The following DRC9 variants were observed in gnomAD, a reference collection of about 807,000 sequenced individuals.
DRC9 encodes dynein regulatory complex protein 9.
chr3:197,913,980 G>A, the DRC9 span: 2 of 1,614,060 alleles, frequency 1.2e-6, no homozygotes, highest in Non-Finnish European at 8.5e-7. Flanking sequence ...GATTCTCCAA[G>A]TTGGATTTTG....
the DRC9 span, among the ~76,000 whole-genome samples, chr3:197,939,965 G>C: frequency 6.6e-6 from 1 of 152,008 alleles, no homozygotes; most frequent in African/African-American, 2.4e-5. Context: ...TAGAATTAAA[G>C]AAACGAGCTA....
the DRC9 span, among the ~76,000 whole-genome samples, chr3:197,931,189 A>C: frequency 6.6e-6 from 1 of 152,068 alleles, no homozygotes; most frequent in Non-Finnish European, 1.5e-5. Flanking sequence ...CAACATCCAA[A>C]GAGAGTTCCA....
the DRC9 span, chr3:197,951,360 T>A: frequency 6.3e-7 from 1 of 1,596,826 alleles, no homozygotes; most frequent in Non-Finnish European, 8.6e-7. Context: ...TCTGCCTCAT[T>A]TTCTTTTTTA....
At chr3:197,952,822 G>T in the DRC9 span, among the ~76,000 whole-genome samples, 2 of 151,114 alleles carry the variant, frequency 1.3e-5, no homozygotes, top group East Asian at 3.9e-4. Context: ...GCCTAAAGAT[G>T]TTTATGCTGT....
At chr3:197,889,449 G>C in the DRC9 span, 1 of 1,042,892 alleles carries the variant, frequency 9.6e-7, no homozygotes, top group Non-Finnish European at 1.4e-6. Flanking sequence ...GTGAAATCAG[G>C]CTTCCCTGGG....
At chr3:197,938,844 C>T in the DRC9 span, 2 of 1,135,032 alleles carry the variant, frequency 1.8e-6, no homozygotes, top group Admixed American at 1.9e-5. Flanking sequence ...AGAAAGAGGC[C>T]TTTGTGTACA....
the DRC9 span, among the ~76,000 whole-genome samples, chr3:197,930,209 T>C: frequency 4.0e-5 from 6 of 151,156 alleles, no homozygotes; most frequent in Admixed American, 4.0e-4. Flanking sequence ...TACATAAAAT[T>C]AGCTGGGCAT....
the DRC9 span, among the ~76,000 whole-genome samples, chr3:197,893,164 T>C: frequency 2.6e-5 from 4 of 151,432 alleles, no homozygotes; most frequent in East Asian, 2.0e-4. Flanking sequence ...TCGAGACCAG[T>C]CTGACCAACG....
the DRC9 span, among the ~76,000 whole-genome samples, chr3:197,897,734 C>T: frequency 5.3e-5 from 8 of 151,204 alleles, no homozygotes; most frequent in South Asian, 8.4e-4. Context: ...ACCATAAATC[C>T]GAATAAGAGC....
chr3:197,950,194 T>G, the DRC9 span: 1 of 1,231,696 alleles, frequency 8.1e-7, no homozygotes, highest in Non-Finnish European at 1.0e-6. Context: ...CTCGTCCTTC[T>G]CTTACCGCCA....
At chr3:197,894,746 T>A in the DRC9 span, 8 of 152,200 alleles carry the variant, frequency 5.3e-5, no homozygotes, top group African/African-American at 1.9e-4. Flanking sequence ...GCATAGAATT[T>A]TTTAAAAACA....
the DRC9 span, among the ~76,000 whole-genome samples, chr3:197,941,410 TC>T: frequency 4.6e-5 from 1 of 21,788 alleles, no homozygotes. Flanking sequence ...TCCTCTCCCA[TC>T]CCCCTCCCTC....
At chr3:197,953,926 A>G in the DRC9 span, 3 of 1,491,296 alleles carry the variant, frequency 2.0e-6, no homozygotes, top group Non-Finnish European at 2.8e-6. Flanking sequence ...GTTGAGAGCC[A>G]CTCGTGTAGA....
the DRC9 span, among the ~76,000 whole-genome samples, chr3:197,908,230 A>C: frequency 0.027 from 2,514 of 92,758 alleles, 58 homozygotes; most frequent in East Asian, 0.051. Flanking sequence ...ACAGGGGTGA[A>C]TGTACCAGGT....
chr3:197,915,226 G>A, the DRC9 span, among the ~76,000 whole-genome samples: 1 of 103,848 alleles, frequency 9.6e-6, no homozygotes, highest in Non-Finnish European at 1.8e-5. Context: ...AGAAAAATAG[G>A]GTTAAGGGAA....
the DRC9 span, chr3:197,958,489 G>C: frequency 2.6e-5 from 4 of 152,284 alleles, no homozygotes; most frequent in African/African-American, 9.7e-5. Flanking sequence ...AGATGGTTTT[G>C]TGGGAGGAGC....
chr3:197,959,268 G>A, the DRC9 span: 1 of 152,152 alleles, frequency 6.6e-6, no homozygotes, highest in Non-Finnish European at 1.5e-5. Context: ...AGCTTAGGAT[G>A]ACTGGTTCCA....
At chr3:197,918,510 A>G in the DRC9 span, among the ~76,000 whole-genome samples, 6 of 152,078 alleles carry the variant, frequency 3.9e-5, no homozygotes, top group Non-Finnish European at 8.8e-5. Context: ...ATTTCCTTCA[A>G]GGTCCACCTT....
the DRC9 span, chr3:197,950,237 G>C: frequency 3.0e-3 from 3,714 of 1,230,904 alleles, 11 homozygotes; most frequent in Non-Finnish European, 3.3e-3. Context: ...TGAAGGGTCT[G>C]CTGCTGAAAT....
Sources: allele counts gnomAD v4.1 joint callset (sites outside exome capture counted in the v4.1 genomes callset), GRCh38; gene constraint gnomAD v4.1.1; transcripts MANE v1.5; gene names NCBI Gene and HGNC (gene_info 2026-07-23, HGNC 2026-07-21).